The following TLN2 variants were observed in gnomAD, a reference collection of about 807,000 sequenced individuals.
TLN2 encodes the protein talin-2.
In TLN2, 118 loss-of-function variants were observed where a neutral mutation model predicts 294.7. That is an observed-to-expected ratio of 0.40 (90% CI 0.34 to 0.47). The LOEUF is 0.47. Ranked by LOEUF, TLN2 falls within the 20% of genes least tolerant of loss-of-function variation. TLN2 has a pLI of 0.84. For missense variants in TLN2, 3,083 were observed against 3,282.2 expected, an observed-to-expected ratio of 0.94 and a Z score of 1.48; for synonymous variants, 1,431 against 1,304.5, an observed-to-expected ratio of 1.10 and a Z score of -2.09.
chr15:62,438,488 T>C (rs1387329823), intron 1 of TLN2, among the ~76,000 whole-genome samples: 1 of 152,212 alleles, frequency 6.6e-6, no homozygotes, highest in Non-Finnish European at 1.5e-5. Context: ...CCTTTAAACA[T>C]TAAGGAGTTG....
At chr15:62,481,520 G>A (rs1277680258) in intron 1 of TLN2, among the ~76,000 whole-genome samples, 1 of 152,098 alleles carries the variant, frequency 6.6e-6, no homozygotes, top group Non-Finnish European at 1.5e-5. Context: ...ATGCCACCAT[G>A]CCTAGCTAAT....
intron 3 of TLN2, among the ~76,000 whole-genome samples, chr15:62,620,340 T>G (rs2048686473): frequency 6.6e-6 from 1 of 152,144 alleles, no homozygotes; most frequent in African/African-American, 2.4e-5. Context: ...TAAGCAAATT[T>G]ACCAGCATCC....
At chr15:62,647,829 G>A (rs976609923) in intron 4 of TLN2, among the ~76,000 whole-genome samples, 1 of 152,120 alleles carries the variant, frequency 6.6e-6, no homozygotes, top group East Asian at 1.9e-4. Context: ...CACTGCCATT[G>A]GAACCCAGGG....
At chr15:62,701,953 G>A in intron 17 of TLN2, 39 bp from the exon 18 acceptor site, 2 of 1,607,436 alleles carry the variant, frequency 1.2e-6, no homozygotes, top group Non-Finnish European at 1.7e-6. Context: ...CCAGAACCAT[G>A]TGCCCTCCTT....
chr15:62,492,340 C>T (rs1035740676), intron 1 of TLN2, among the ~76,000 whole-genome samples: 9 of 151,294 alleles, frequency 5.9e-5, no homozygotes, highest in African/African-American at 1.2e-4. Flanking sequence ...GGGTGGATCA[C>T]GAGGTCAGGA....
chr15:62,609,565 C>G (rs1454195559), intron 2 of TLN2, among the ~76,000 whole-genome samples: 2 of 152,194 alleles, frequency 1.3e-5, no homozygotes, highest in Non-Finnish European at 2.9e-5. Flanking sequence ...TAGAGTATCC[C>G]TCAGTTGAGG....
intron 52 of TLN2, among the ~76,000 whole-genome samples, chr15:62,811,387 A>G (rs1250444495): frequency 6.6e-6 from 1 of 152,334 alleles, no homozygotes; most frequent in Admixed American, 6.5e-5. Context: ...GGAAATAGTT[A>G]AAGTGTTCAG....
intron 1 of TLN2, among the ~76,000 whole-genome samples, chr15:62,477,893 G>A (rs1231196483): frequency 1.3e-5 from 2 of 148,442 alleles, no homozygotes; most frequent in Admixed American, 6.7e-5. Flanking sequence ...CAGGTGGTGG[G>A]GGGGATGGAG....
intron 12 of TLN2, 79 bp from the exon 13 acceptor site, chr15:62,692,761 T>G (rs2058028314): frequency 1.8e-6 from 2 of 1,081,962 alleles, no homozygotes; most frequent in South Asian, 2.6e-5. Context: ...TGTCATATTG[T>G]TCTAGAGCTG....
At chr15:62,689,071 T>C (rs901000865) in intron 12 of TLN2, among the ~76,000 whole-genome samples, 20 of 143,034 alleles carry the variant, frequency 1.4e-4, no homozygotes, top group African/African-American at 5.7e-4. Context: ...TCTCTCTCTT[T>C]TTTTTTTTTT....
At chr15:62,836,244 C>T in intron 57 of TLN2, 171 bp downstream of exon 57, 3 of 920,254 alleles carry the variant, frequency 3.3e-6, no homozygotes, top group Non-Finnish European at 4.9e-6. Flanking sequence ...CACTGCTGCC[C>T]CACCACGCTG....
At chr15:62,468,865 A>G (rs1240713163) in intron 1 of TLN2, among the ~76,000 whole-genome samples, 1 of 152,132 alleles carries the variant, frequency 6.6e-6, no homozygotes, top group Admixed American at 6.6e-5. Context: ...TCAGACAGGG[A>G]TGCTCATTTC....
chr15:62,669,959 G>C (rs1381053735), intron 9 of TLN2, among the ~76,000 whole-genome samples: 1 of 152,138 alleles, frequency 6.6e-6, no homozygotes, highest in Non-Finnish European at 1.5e-5. Flanking sequence ...TTCTGATGTT[G>C]GTTTTAGTAA....
At chr15:62,494,618 C>A (rs976178729) in intron 1 of TLN2, among the ~76,000 whole-genome samples, 5 of 152,086 alleles carry the variant, frequency 3.3e-5, no homozygotes, top group African/African-American at 1.2e-4. Flanking sequence ...TTCCCTCCCC[C>A]GTGCTTTAGT....
chr15:62,641,152 A>G (rs1001785455), intron 3 of TLN2, among the ~76,000 whole-genome samples: 17 of 152,194 alleles, frequency 1.1e-4, no homozygotes, highest in African/African-American at 2.9e-4. Flanking sequence ...GGTGAGCTCC[A>G]TGTAGACAGG....
chr15:62,838,280 A>G (rs1425954099), intron 57 of TLN2: 1 of 152,292 alleles, frequency 6.6e-6, no homozygotes, highest in African/African-American at 2.4e-5. Context: ...TGCCGCTGCT[A>G]GGGATGCAGG....
chr15:62,652,754 A>T (rs1441739397), intron 6 of TLN2, among the ~76,000 whole-genome samples: 1 of 152,072 alleles, frequency 6.6e-6, no homozygotes, highest in Non-Finnish European at 1.5e-5. Context: ...TATACGCGTG[A>T]CTTCTTTGGG....
intron 1 of TLN2, among the ~76,000 whole-genome samples, chr15:62,426,488 TA>T (rs1360630104): frequency 6.6e-6 from 1 of 152,008 alleles, no homozygotes; most frequent in African/African-American, 2.4e-5. Flanking sequence ...GGGATTGGGA[TA>T]GGGGAAAAGA....
Position 62,442,492 on chromosome 15 carries a change from C to CAAAA in TLN2, c.-238+51808_-238+51809insAAAA, listed in dbSNP as rs756778889. Among the ~76,000 whole-genome samples, 12 of 65,552 alleles carry CAAAA rather than the reference C, an allele frequency of 1.8e-4. 2 individuals are homozygous for CAAAA. Among genetic ancestry groups the CAAAA allele is most frequent in the African/African-American group, 4.7e-4 (9 of 19,176 alleles). The allele number at this position is 65,552 out of a possible 152,430, so 43.0% of individuals were successfully genotyped here. ...TGGGGCACAGAGTGAGACTCTGTCT[C>CAAAA]AGAAAAAAAAAAAAAAAAAAAAAAA... On this transcript the variant is annotated intron_variant, in intron 1 of 58. Transcript: ENST00000636159.
Sources: allele counts gnomAD v4.1 joint callset (sites outside exome capture counted in the v4.1 genomes callset), GRCh38; gene constraint gnomAD v4.1.1; transcripts MANE v1.5; gene names NCBI Gene and HGNC (gene_info 2026-07-23, HGNC 2026-07-21).